Variants in RAB36 observed in about 807,000 individuals in gnomAD.
RAB36 encodes the protein ras-related protein Rab-36.
Under a neutral mutation model 39.3 loss-of-function variants are expected in RAB36, and 33 were observed. The ratio of observed to expected loss-of-function variants is 0.84; its 90% CI spans 0.64 to 1.12. The LOEUF is 1.12. RAB36 is among the 50% of genes most tolerant of loss of function. The probability of loss-of-function intolerance (pLI) is 0.00; values close to 1 mark genes in which losing one functional copy is unlikely to be tolerated. For missense variants in RAB36, 308 were observed against 355.3 expected (o/e 0.87, Z 1.07); for synonymous variants, 133 against 140.2 (o/e 0.95, Z 0.36).
At chr22:23,158,248 CAT>C (rs1190489669) in intron 7 of RAB36, among the ~76,000 whole-genome samples, 1 of 152,230 alleles carries the variant, frequency 6.6e-6, no homozygotes, top group African/African-American at 2.4e-5. Flanking sequence ...GGAGCCAGCA[CAT>C]GAGTGTGAGC....
In RAB36 at chr22:23,145,516, G is replaced by C; in HGVS notation, c.-48G>C. ...CGCCGCCGCTGGCTCAGGCGGACCAGGCCGCGCGGAGCCCCAGCTTTCACA... is the reference window on the plus strand; with the variant it reads ...CGCCGCCGCTGGCTCAGGCGGACCACGCCGCGCGGAGCCCCAGCTTTCACA... On this transcript the variant is annotated 5_prime_UTR_variant, in exon 1 of 11. Coordinates refer to ENST00000263116, the MANE Select transcript of RAB36 (RefSeq NM_004914.5). 1 of 1,604,902 alleles carries C rather than the reference G, an allele frequency of 6.2e-7. No homozygotes were observed. The highest frequency in any genetic ancestry group is 8.5e-7 in the Non-Finnish European group (1 of 1,179,498).
rs752516081 is a variant in RAB36 at position 23,150,108 on chromosome 22, G to C, written c.115G>C (p.Gly39Arg). ...ACLQLREHFH[G>R]QVSAACQRRN... ...TTTGCAGCTCAGGGAGCACTTCCAC[G>C]GGCAGGTCAGCGCTGCCTGCCAACG... The change falls in exon 3 of 11, where the codon GGG (glycine) becomes CGG (arginine). Residue 39 changes from glycine (G) to arginine (R), a missense_variant. Transcript: ENST00000263116. 2 of 1,612,488 alleles carry C rather than the reference G, an allele frequency of 1.2e-6. No individual in the cohort carries two copies. Among genetic ancestry groups the C allele is most frequent in the East Asian group, 2.2e-5 (1 of 44,810 alleles).
At chr22:23,166,443 GAGGCAAAGCAAGGGCT>G (rs1459959828), downstream of RAB36, among the ~76,000 whole-genome samples, 1 of 151,842 alleles carries the variant, frequency 6.6e-6, no homozygotes, top group Admixed American at 6.6e-5. Flanking sequence ...TTTTTGTCCT[GAGGCAAAGCAAGGGCT>G]TTCTCCCTAA....
Position 23,164,735 on chromosome 22 carries a change from G to C in RAB36, c.*3171G>C, listed in dbSNP as rs1009764212. 6.6e-6 allele frequency among the ~76,000 whole-genome samples: 1 copy of C among 152,038 alleles called. No individual in the cohort carries two copies. The highest frequency in any genetic ancestry group is 2.4e-5 in the African/African-American group (1 of 41,394). On this transcript the variant is annotated 3_prime_UTR_variant, in exon 11 of 11. Coordinates refer to ENST00000263116, the MANE Select transcript of RAB36 (RefSeq NM_004914.5). Reference sequence around the variant, plus strand: ...CTTTTTCCTCTTCCCTGTTTCCCTGGACCCTTTCCTGCTCTCTGTCCATCT... The same window carrying C: ...CTTTTTCCTCTTCCCTGTTTCCCTGCACCCTTTCCTGCTCTCTGTCCATCT...
At position 23,152,435 on chromosome 22, in the gene RAB36, C is replaced by T. The variant is rs138196567; in HGVS notation, c.162-26C>T. 874 of 1,613,340 alleles carry T rather than the reference C, an allele frequency of 5.4e-4. 7 individuals carry two copies. The African/African-American group carries it at 9.2e-3, about 17-fold the overall frequency. Reference sequence around the variant, plus strand: ...AAGACACCCTGGAAGGCATGCCCGACGGCAACACGGCCATATTTCTCACAG... The same window carrying T: ...AAGACACCCTGGAAGGCATGCCCGATGGCAACACGGCCATATTTCTCACAG... On this transcript the variant is annotated intron_variant, in intron 3 of 10. Transcript: ENST00000263116.
chr22:23,158,872 T>A (rs1466526772), intron 7 of RAB36, 26 bp from the exon 8 acceptor site: 1 of 1,603,084 alleles, frequency 6.2e-7, no homozygotes, highest in Non-Finnish European at 8.5e-7. Flanking sequence ...TGGGTGAATC[T>A]CTCAGCCTCT....
intron 6 of RAB36, among the ~76,000 whole-genome samples, chr22:23,157,427 G>A (rs941634462): frequency 3.9e-5 from 6 of 151,994 alleles, no homozygotes; most frequent in East Asian, 1.9e-4. Flanking sequence ...ATTTTTTTGT[G>A]TGTGTGTATT....
Position 23,160,999 on chromosome 22 carries a change from G to A in RAB36, c.739+1G>A, listed in dbSNP as rs776762332. The A allele has an allele frequency of 8.1e-6, 13 of 1,597,222 alleles. No homozygotes were observed. The highest frequency in any genetic ancestry group is 2.3e-5 in the East Asian group (1 of 44,440). ...CAGGTCGGCAATGGAGACCTAATCC[G>A]TGAGTATAGGTGTGACTGGGTTGGG... is the stretch of plus-strand genomic sequence containing the variant. On this transcript the variant is annotated splice_donor_variant, in intron 10 of 10. Transcript: ENST00000263116. LOFTEE classifies it high-confidence loss of function.
chr22:23,162,279 C>T lies in RAB36; in HGVS notation c.*715C>T, dbSNP rs1569220944. 2 of 239,210 alleles carry T rather than the reference C, an allele frequency of 8.4e-6. No homozygotes were observed. Among genetic ancestry groups the T allele is most frequent in the Non-Finnish European group, 1.7e-5 (2 of 119,796 alleles). The allele number at this position is 239,210 out of a possible 1,614,324, so 14.8% of individuals were successfully genotyped here. ...CTCCTGGTCCGTGGGCCAGGATGTG[C>T]AGAACAACCACTCAGGCCTTTCTGG... On this transcript the variant is annotated 3_prime_UTR_variant, in exon 11 of 11. Coordinates refer to ENST00000263116, the MANE Select transcript of RAB36 (RefSeq NM_004914.5).
downstream of RAB36, among the ~76,000 whole-genome samples, chr22:23,165,955 G>A (rs1046565139): frequency 2.0e-5 from 3 of 152,020 alleles, no homozygotes; most frequent in South Asian, 2.1e-4. Context: ...GACCATCCTG[G>A]CTAACATGGT....
chr22:23,147,512 T>A (rs1183455316), intron 2 of RAB36, among the ~76,000 whole-genome samples: 1 of 152,090 alleles, frequency 6.6e-6, no homozygotes, highest in Non-Finnish European at 1.5e-5. Flanking sequence ...TAATTTTTTT[T>A]AATAGAGATG....
chr22:23,152,547 C>G, intron 4 of RAB36, 21 bp downstream of exon 4: 1 of 1,610,904 alleles, frequency 6.2e-7, no homozygotes, highest in Non-Finnish European at 8.5e-7. Context: ...TCCTCTGCCC[C>G]TTTGGCCACC....
At chr22:23,154,190 C>A (rs1466230022) in intron 5 of RAB36, among the ~76,000 whole-genome samples, 2 of 152,110 alleles carry the variant, frequency 1.3e-5, no homozygotes, top group African/African-American at 4.8e-5. Flanking sequence ...CGGGCCCTCA[C>A]CTCTACTCTC....
chr22:23,164,203 C>T lies in RAB36; in HGVS notation c.*2639C>T, dbSNP rs911428456. On this transcript the variant is annotated 3_prime_UTR_variant, in exon 11 of 11. Coordinates refer to ENST00000263116, the MANE Select transcript of RAB36 (RefSeq NM_004914.5). ...GACTGTCGTTCTCCACAGCTCCCTT[C>T]CCTTGCCCCTTCGGGCCTCCAGGAT... 6.6e-6 allele frequency: 1 copy of T among 152,310 alleles called. No individual in the cohort carries two copies. Among genetic ancestry groups the T allele is most frequent in the East Asian group, 1.9e-4 (1 of 5,198 alleles). 9.4% of individuals were successfully genotyped at this position (152,310 alleles called of 1,614,324 possible). A position where few individuals can be genotyped will look rare whatever the true frequency, so the allele number is the denominator to read the frequency against.
chr22:23,152,140 C>T (rs1484099368), intron 3 of RAB36, among the ~76,000 whole-genome samples: 3 of 152,236 alleles, frequency 2.0e-5, no homozygotes, highest in Non-Finnish European at 4.4e-5. Context: ...TTGGTTACCA[C>T]AGCCACACCC....
rs2072014132 is a variant in RAB36, at chr22:23,165,140, A to C, written c.*3576A>C. On this transcript the variant is annotated 3_prime_UTR_variant, in exon 11 of 11. Transcript: ENST00000263116. ...CCAGGACAGTGACCTCATCACCTCT[A>C]CTGTCTCCCCTAGCACCTCTGGGAG... 6.6e-6 allele frequency among the ~76,000 whole-genome samples: 1 copy of C among 152,128 alleles called. No individual in the cohort carries two copies. Among genetic ancestry groups the C allele is most frequent in the African/African-American group, 2.4e-5 (1 of 41,400 alleles).
At position 23,161,018 on chromosome 22, in the gene RAB36, G is replaced by T. The variant is rs5759613; in HGVS notation, c.739+20G>T. The T allele has an allele frequency of 1.3e-5, 21 of 1,583,710 alleles. No individual in the cohort carries two copies. Among genetic ancestry groups the T allele is most frequent in the African/African-American group, 8.1e-5 (6 of 74,192 alleles). On this transcript the variant is annotated intron_variant, in intron 10 of 10. Transcript: ENST00000263116. ...TAATCCGTGAGTATAGGTGTGACTG[G>T]GTTGGGCTGGGGAGTAGGCTGGAGG...
At chr22:23,150,926 G>A (rs979295216) in intron 3 of RAB36, among the ~76,000 whole-genome samples, 6 of 152,222 alleles carry the variant, frequency 3.9e-5, no homozygotes, top group African/African-American at 1.4e-4. Flanking sequence ...CCTAGCCCAA[G>A]AGGGCGAGGG....
intron 8 of RAB36, 31 bp from the exon 9 acceptor site, chr22:23,159,132 A>C: frequency 6.2e-7 from 1 of 1,607,328 alleles, no homozygotes; most frequent in Non-Finnish European, 8.5e-7. Flanking sequence ...GAGAGCCGGG[A>C]CGCTGGGTCA....
Sources: gnomAD v4.1 joint callset for allele counts (sites outside exome capture counted in the v4.1 genomes callset) on GRCh38, gnomAD v4.1.1 for gene constraint, MANE v1.5 for transcripts, NCBI Gene and HGNC (gene_info 2026-07-23, HGNC 2026-07-21) for gene names.